The following PRKAG2 variants were observed in gnomAD, a reference collection of about 807,000 sequenced individuals.
PRKAG2 encodes the protein 5'-AMP-activated protein kinase subunit gamma-2.
In PRKAG2, 26 loss-of-function variants were observed where a neutral mutation model predicts 69.6. That is an observed-to-expected ratio of 0.37 (90% CI 0.27 to 0.52). PRKAG2 has a LOEUF of 0.52. Among genes scored for constraint, PRKAG2 ranks in the 20% least tolerant of loss-of-function variants. The pLI, the probability that PRKAG2 is intolerant of heterozygous loss-of-function variation, is 0.90. For missense variants in PRKAG2, 557 were observed against 740.0 expected, an observed-to-expected ratio of 0.75 and a Z score of 2.87; for synonymous variants, 293 against 285.0, an observed-to-expected ratio of 1.03 and a Z score of -0.28.
At chr7:151,707,163 T>C (rs1838766579) in intron 3 of PRKAG2, among the ~76,000 whole-genome samples, 1 of 152,182 alleles carries the variant, frequency 6.6e-6, no homozygotes, top group African/African-American at 2.4e-5. Flanking sequence ...AACTGGACCA[T>C]GTCATGAAAC....
chr7:151,726,481 C>T (rs966795478), intron 3 of PRKAG2, among the ~76,000 whole-genome samples: 1 of 151,978 alleles, frequency 6.6e-6, no homozygotes, highest in African/African-American at 2.4e-5. Flanking sequence ...TAGTACGAGT[C>T]CAACAGAAAG....
chr7:151,706,571 C>T (rs1266716264), intron 3 of PRKAG2, among the ~76,000 whole-genome samples: 1 of 152,204 alleles, frequency 6.6e-6, no homozygotes, highest in Middle Eastern at 3.2e-3. Context: ...GAGCAACCAG[C>T]ACCCTGACCT....
intron 1 of PRKAG2, among the ~76,000 whole-genome samples, chr7:151,871,450 C>T (rs2080218372): frequency 6.6e-6 from 1 of 152,194 alleles, no homozygotes; most frequent in Admixed American, 6.5e-5. Context: ...TGCCGTCAGT[C>T]CTTCCCCTTC....
At chr7:151,783,747 CA>C (rs2076851452) in intron 2 of PRKAG2, among the ~76,000 whole-genome samples, 1 of 151,298 alleles carries the variant, frequency 6.6e-6, no homozygotes, top group Non-Finnish European at 1.5e-5. Context: ...CCTGTCTCTA[CA>C]AAAAATACAG....
In PRKAG2 at chr7:151,756,380, AC is replaced by A. The variant is rs1391238461; in HGVS notation, c.466+24771del. 6.6e-6 allele frequency among the ~76,000 whole-genome samples: 1 copy of A among 152,128 alleles called. No individual in the cohort carries two copies. The highest frequency in any genetic ancestry group is 1.5e-5 in the Non-Finnish European group (1 of 68,010). ...TCCTGTCCTTGCAATGCTGGGAGGG[AC>A]CCTAGATGGATTTGTGGGTGCATCT... On this transcript the variant is annotated intron_variant, in intron 3 of 15. Coordinates refer to ENST00000287878, the MANE Select transcript of PRKAG2 (RefSeq NM_016203.4). This position sits in a 1 kb window ranked among gnomAD's most constrained non-coding sequence, Gnocchi z 4.9.
intron 5 of PRKAG2, among the ~76,000 whole-genome samples, chr7:151,628,441 G>A (rs958758849): frequency 1.3e-5 from 2 of 152,188 alleles, no homozygotes; most frequent in Admixed American, 6.5e-5. Context: ...GCTGGGCACC[G>A]TGGTTCATGC....
rs372730383 is a variant in PRKAG2 at position 151,835,341 on chromosome 7, T to C, written c.114+41166A>G. ...TCAAGTGATCCTCCAGGTAATATTT[T>C]TATTTTTTATTATTTTTATTATTTT... On this transcript the variant is annotated intron_variant, in intron 1 of 15. Transcript: ENST00000287878. The surrounding 1 kb of genome is among the most constrained non-coding windows in gnomAD (Gnocchi z 4.1). Among the ~76,000 whole-genome samples, 177 of 152,086 alleles carry C rather than the reference T, an allele frequency of 1.2e-3. 1 individual carries two copies. The highest frequency in any genetic ancestry group is 4.1e-3 in the African/African-American group (170 of 41,500).
chr7:151,657,073 G>C (rs771562658), intron 4 of PRKAG2, among the ~76,000 whole-genome samples: 1 of 151,680 alleles, frequency 6.6e-6, no homozygotes, highest in African/African-American at 2.4e-5. Context: ...GGAGGCGGAG[G>C]TTGCAATGAG....
rs923027379 is a variant in PRKAG2, at chr7:151,648,754, T to C, written c.685-16616A>G. Reference sequence around the variant, plus strand: ...TGTAATAGAGGGCTGGGTGCAGTGGTCCATGTCTGTAGTCCCAGCTACGTG... The same window carrying C: ...TGTAATAGAGGGCTGGGTGCAGTGGCCCATGTCTGTAGTCCCAGCTACGTG... On this transcript the variant is annotated intron_variant, in intron 4 of 15. Coordinates refer to ENST00000287878, the MANE Select transcript of PRKAG2 (RefSeq NM_016203.4). Among the ~76,000 whole-genome samples the C allele has an allele frequency of 2.0e-5, 3 of 152,270 alleles. No homozygotes were observed. The East Asian group carries it at 5.8e-4, about 29-fold the overall frequency.
At position 151,787,428 on chromosome 7, in the gene PRKAG2, T is replaced by G. The variant is rs76342468; in HGVS notation, c.115-887A>C. Among the ~76,000 whole-genome samples, 223 of 150,654 alleles carry G rather than the reference T, an allele frequency of 1.5e-3. 2 individuals carry two copies. Among genetic ancestry groups the G allele is most frequent in the African/African-American group, 5.4e-3 (219 of 40,800 alleles). On this transcript the variant is annotated intron_variant, in intron 1 of 15. Transcript: ENST00000287878. ...CTCCTATCTCTTTGAATCTGACCAC[T>G]CTAGGTACCTCATATAAGTAGCATC...
chr7:151,726,421 A>G (rs1376760914), intron 3 of PRKAG2, among the ~76,000 whole-genome samples: 2 of 137,228 alleles, frequency 1.5e-5, no homozygotes, highest in Non-Finnish European at 3.2e-5. Context: ...CACAGAGCTG[A>G]TGCCACATTA....
chr7:151,724,590 G>A (rs1797628220), intron 3 of PRKAG2, among the ~76,000 whole-genome samples: 1 of 152,138 alleles, frequency 6.6e-6, no homozygotes, highest in Admixed American at 6.5e-5. Flanking sequence ...TCCCGTCGTC[G>A]CCCTCCCAGG....
intron 3 of PRKAG2, among the ~76,000 whole-genome samples, chr7:151,764,784 A>T (rs907529752): frequency 2.6e-5 from 4 of 152,236 alleles, no homozygotes; most frequent in African/African-American, 9.6e-5. Context: ...ACGTGGGGGC[A>T]GGGCCAGCAG....
intron 3 of PRKAG2, among the ~76,000 whole-genome samples, chr7:151,775,844 G>A (rs969067886): frequency 2.0e-5 from 3 of 152,162 alleles, no homozygotes; most frequent in African/African-American, 7.2e-5. Flanking sequence ...CTCCAGATGG[G>A]CCGATGGCAT....
chr7:151,576,323 G>C lies in PRKAG2; in HGVS notation c.946+48C>G, dbSNP rs1808910610. On this transcript the variant is annotated intron_variant, in intron 7 of 15. Coordinates refer to ENST00000287878, the MANE Select transcript of PRKAG2 (RefSeq NM_016203.4). ...TCTATTAAAATACTTTAGGCTTTCTGCTTTCAAGGTTTCCATTTTCGATTT... is the reference window on the plus strand; with the variant it reads ...TCTATTAAAATACTTTAGGCTTTCTCCTTTCAAGGTTTCCATTTTCGATTT... 2.1e-6 allele frequency: 3 copies of C among 1,455,842 alleles called. No individual in the cohort carries two copies. In the Admixed American group the frequency reaches 5.2e-5, roughly 25 times the overall value. The allele number at this position is 1,455,842 out of a possible 1,614,324, so 90.2% of individuals were successfully genotyped here. A position where few individuals can be genotyped will look rare whatever the true frequency, so the allele number is the denominator to read the frequency against.
intron 4 of PRKAG2, among the ~76,000 whole-genome samples, chr7:151,668,672 A>C (rs1467932416): frequency 6.6e-6 from 1 of 152,200 alleles, no homozygotes; most frequent in East Asian, 1.9e-4. Context: ...GTCTTGCCTC[A>C]AGGTAGGGCA....
At chr7:151,634,313 C>A (rs1162043380) in intron 4 of PRKAG2, among the ~76,000 whole-genome samples, 1 of 152,104 alleles carries the variant, frequency 6.6e-6, no homozygotes, top group Non-Finnish European at 1.5e-5. Flanking sequence ...CTAAGCCTTG[C>A]GTTTTACACA....
At position 151,836,737 on chromosome 7, in the gene PRKAG2, G is replaced by T. The variant is rs950165535; in HGVS notation, c.114+39770C>A. On this transcript the variant is annotated intron_variant, in intron 1 of 15. Transcript: ENST00000287878. This position sits in a 1 kb window ranked among gnomAD's most constrained non-coding sequence, Gnocchi z 4.1. ...AGCTCCTGGGCTGGAGAACTGTGAG[G>T]TAGGACCTAGCCCCTCGGGTCCCCT... is the stretch of plus-strand genomic sequence containing the variant. Among the ~76,000 whole-genome samples the T allele has an allele frequency of 6.6e-6, 1 of 152,202 alleles. No homozygotes were observed. The highest frequency in any genetic ancestry group is 1.5e-5 in the Non-Finnish European group (1 of 68,038).
chr7:151,715,883 C>T (rs1160764613), intron 3 of PRKAG2, among the ~76,000 whole-genome samples: 1 of 152,196 alleles, frequency 6.6e-6, no homozygotes, highest in African/African-American at 2.4e-5. Context: ...ACTCTCCTCG[C>T]TCACAGGGCG....
Sources: allele counts gnomAD v4.1 joint callset (sites outside exome capture counted in the v4.1 genomes callset), GRCh38; gene constraint gnomAD v4.1.1; non-coding constraint Gnocchi (gnomAD v3.1); transcripts MANE v1.5; gene names NCBI Gene and HGNC (gene_info 2026-07-23, HGNC 2026-07-21).